The following CPE variants were observed in gnomAD, a reference collection of about 807,000 sequenced individuals.
CPE encodes the protein carboxypeptidase E, also known as carbocypeptidase E.
In CPE, 17 loss-of-function variants were observed where a neutral mutation model predicts 53.5. That is an observed-to-expected ratio of 0.32 (90% CI 0.22 to 0.48). CPE has a LOEUF of 0.48. Among genes scored for constraint, CPE ranks in the 20% least tolerant of loss-of-function variants. The pLI is 0.99. For missense variants in CPE, 524 were observed against 614.7 expected (o/e 0.85, Z 1.56); for synonymous variants, 226 against 228.8 (o/e 0.99, Z 0.11).
At chr4:165,419,556 A>G (rs1369436126) in intron 1 of CPE, among the ~76,000 whole-genome samples, 2 of 152,188 alleles carry the variant, frequency 1.3e-5, no homozygotes, top group African/African-American at 2.4e-5. Context: ...TCATTTTATA[A>G]TTGGGGAAAT....
chr4:165,426,093 A>T (rs970407892), intron 1 of CPE, among the ~76,000 whole-genome samples: 1 of 152,124 alleles, frequency 6.6e-6, no homozygotes. Flanking sequence ...AAAATAATGG[A>T]TCATTTTCCC....
At chr4:165,474,206 A>T (rs1286997536) in intron 3 of CPE, among the ~76,000 whole-genome samples, 1 of 152,218 alleles carries the variant, frequency 6.6e-6, no homozygotes, top group Non-Finnish European at 1.5e-5. Context: ...CCTCCTTATT[A>T]TGCTCTCAGT....
chr4:165,428,832 A>C (rs761265385), intron 1 of CPE, among the ~76,000 whole-genome samples: 7 of 152,136 alleles, frequency 4.6e-5, no homozygotes, highest in Non-Finnish European at 8.8e-5. Flanking sequence ...GTGTGATTGC[A>C]TTTAGAGCTC....
At chr4:165,486,592 C>T (rs551105737) in intron 5 of CPE, among the ~76,000 whole-genome samples, 18 of 152,238 alleles carry the variant, frequency 1.2e-4, no homozygotes, top group Admixed American at 5.9e-4. Context: ...CCATATTTTG[C>T]CCACAGGGAA....
chr4:165,392,958 T>A (rs1430246968), intron 1 of CPE, among the ~76,000 whole-genome samples: 1 of 151,030 alleles, frequency 6.6e-6, no homozygotes, highest in East Asian at 1.9e-4. Context: ...AAGCATATAC[T>A]AGATTATATT....
At chr4:165,450,016 G>A (rs1347363979) in intron 1 of CPE, among the ~76,000 whole-genome samples, 1 of 152,128 alleles carries the variant, frequency 6.6e-6, no homozygotes, top group Non-Finnish European at 1.5e-5. Flanking sequence ...CATTTAAGTT[G>A]ACATTTTGAG....
Position 165,497,576 on chromosome 4 carries a change from G to A in CPE, c.1397G>A (p.Trp466Ter). 6.4e-7 allele frequency: 1 copy of A among 1,572,070 alleles called. No individual in the cohort carries two copies. ...KEEEKEELME[W>*]WKMMSETLNF is the part of the protein sequence containing the mutation. Reference sequence around the variant, plus strand: ...GAGGAGAAGGAAGAATTGATGGAATGGTGGAAAATGATGTCAGAAACTTTA... The same window carrying A: ...GAGGAGAAGGAAGAATTGATGGAATAGTGGAAAATGATGTCAGAAACTTTA... The change falls in exon 9 of 9, where the codon TGG (tryptophan) becomes TAG (stop). Residue 466 changes from tryptophan to a stop codon, truncating the protein, a stop_gained. Transcript: ENST00000402744. LOFTEE classifies it high-confidence loss of function.
intron 1 of CPE, among the ~76,000 whole-genome samples, chr4:165,431,603 G>T (rs915353023): frequency 9.2e-5 from 14 of 152,156 alleles, no homozygotes; most frequent in African/African-American, 3.4e-4. Context: ...ACCACAACTT[G>T]CTGCTTCCTG....
At chr4:165,401,051 G>GA (rs898222970) in intron 1 of CPE, among the ~76,000 whole-genome samples, 183 of 144,786 alleles carry the variant, frequency 1.3e-3, no homozygotes, top group African/African-American at 4.8e-3. Flanking sequence ...GACCTTATTT[G>GA]ATTTTTTTTT....
At chr4:165,426,569 C>G (rs905775178) in intron 1 of CPE, among the ~76,000 whole-genome samples, 2 of 138,284 alleles carry the variant, frequency 1.4e-5, no homozygotes, top group African/African-American at 2.7e-5. Flanking sequence ...TTTCAGTGGC[C>G]TATTTTATGT....
chr4:165,477,798 G>A (rs113040089), intron 3 of CPE, among the ~76,000 whole-genome samples: 2 of 152,058 alleles, frequency 1.3e-5, no homozygotes, highest in African/African-American at 4.8e-5. Flanking sequence ...GCTTCAGGAG[G>A]GGGTGGTGGG....
In CPE at chr4:165,479,525, G is replaced by A. The variant is rs114600350; in HGVS notation, c.673-2717G>A. ...AGTGGTCACTTAATACTTATTGAAC[G>A]AATGAATGAAATGGAAAAGCAAAGA... On this transcript the variant is annotated intron_variant, in intron 3 of 8. Coordinates refer to ENST00000402744, the MANE Select transcript of CPE (RefSeq NM_001873.4). 3.7e-3 allele frequency among the ~76,000 whole-genome samples: 562 copies of A among 152,178 alleles called. 2 individuals are homozygous for A. The highest frequency in any genetic ancestry group is 0.012 in the African/African-American group (515 of 41,524).
At chr4:165,496,867 A>G (rs531600000) in intron 8 of CPE, among the ~76,000 whole-genome samples, 1 of 152,358 alleles carries the variant, frequency 6.6e-6, no homozygotes, top group East Asian at 1.9e-4. Flanking sequence ...CAAGGCTGAC[A>G]GGAGGTGCTC....
At chr4:165,457,606 T>C (rs2126696011) in intron 1 of CPE, among the ~76,000 whole-genome samples, 1 of 152,370 alleles carries the variant, frequency 6.6e-6, no homozygotes, top group African/African-American at 2.4e-5. Context: ...TACAAAATGA[T>C]TCTGTAATAT....
intron 1 of CPE, among the ~76,000 whole-genome samples, chr4:165,408,018 A>G (rs1262644339): frequency 6.6e-6 from 1 of 152,042 alleles, no homozygotes; most frequent in Non-Finnish European, 1.5e-5. Flanking sequence ...TTATCTTATT[A>G]TTGTTGAGTT....
At chr4:165,433,434 T>C (rs1731444991) in intron 1 of CPE, among the ~76,000 whole-genome samples, 2 of 152,206 alleles carry the variant, frequency 1.3e-5, no homozygotes, top group Admixed American at 6.6e-5. Flanking sequence ...TGGCCTCCTA[T>C]AGTGATTACT....
intron 1 of CPE, among the ~76,000 whole-genome samples, chr4:165,431,227 C>T (rs966252857): frequency 1.3e-5 from 2 of 152,132 alleles, no homozygotes; most frequent in Non-Finnish European, 2.9e-5. Context: ...AATGTGATAC[C>T]TCCGTTTTCC....
chr4:165,477,539 A>G (rs1165548533), intron 3 of CPE, among the ~76,000 whole-genome samples: 1 of 152,156 alleles, frequency 6.6e-6, no homozygotes, highest in Non-Finnish European at 1.5e-5. Flanking sequence ...CAAAATATAT[A>G]GTAGGCAGTT....
chr4:165,498,407 C>T lies in CPE; in HGVS notation c.*797C>T, dbSNP rs1227122267. The T allele has an allele frequency of 1.3e-5, 2 of 152,262 alleles. No homozygotes were observed. 9.4% of individuals were successfully genotyped at this position (152,262 alleles called of 1,614,324 possible). A position where few individuals can be genotyped will look rare whatever the true frequency, so the allele number is the denominator to read the frequency against. ...ATGTATCCTCTTAATGGCGGCTTCT[C>T]ATATATTCATCCTGTACATTTTAAA... On this transcript the variant is annotated 3_prime_UTR_variant, in exon 9 of 9. Transcript: ENST00000402744.
Sources: allele counts gnomAD v4.1 joint callset (sites outside exome capture counted in the v4.1 genomes callset), GRCh38; gene constraint gnomAD v4.1.1; transcripts MANE v1.5; gene names NCBI Gene and HGNC (gene_info 2026-07-23, HGNC 2026-07-21).